ZNF407: variants seen among roughly 807,000 people sequenced by gnomAD.
The protein encoded by ZNF407 is zinc finger protein 407.
ZNF407 carries 17 observed loss-of-function variants against 131.2 expected under a neutral mutation model. The ratio of observed to expected loss-of-function variants is 0.13; its 90% CI spans 0.09 to 0.19. The LOEUF is 0.19. ZNF407 is among the 10% of genes least tolerant of loss of function. The pLI is 1.00. For missense variants in ZNF407, 2,681 were observed against 2,830.6 expected (o/e 0.95, Z 1.20); for synonymous variants, 1,156 against 1,062.0 (o/e 1.09, Z -1.72).
intron 3 of ZNF407, among the ~76,000 whole-genome samples, chr18:74,742,578 A>G (rs959739297): frequency 1.3e-5 from 2 of 152,176 alleles, no homozygotes; most frequent in African/African-American, 4.8e-5. Context: ...TTTTTTATGT[A>G]AAGTCATGAT....
At chr18:74,671,027 C>T (rs896283783) in intron 3 of ZNF407, among the ~76,000 whole-genome samples, 3 of 152,194 alleles carry the variant, frequency 2.0e-5, no homozygotes, top group Non-Finnish European at 4.4e-5. Context: ...GTGCAGTCAT[C>T]ACCACTGTCC....
Position 74,630,982 on chromosome 18 carries a change from G to T in ZNF407, c.-38G>T. The T allele has an allele frequency of 6.4e-7, 1 of 1,551,186 alleles. No homozygotes were observed. Among genetic ancestry groups the T allele is most frequent in the South Asian group, 1.2e-5 (1 of 80,176 alleles). On this transcript the variant is annotated 5_prime_UTR_variant, in exon 2 of 9. An upstream open reading frame in the 5' UTR gains an earlier in-frame stop. Coordinates refer to ENST00000299687, the MANE Select transcript of ZNF407 (RefSeq NM_017757.3). The stretch of plus-strand genomic sequence containing the variant: ...TACTTCACAGGTTATGAGTGCCAGT[G>T]AGCCGCCTTAGATAGAAGCATCGTC...
At chr18:74,797,045 A>G (rs189013330) in intron 4 of ZNF407, among the ~76,000 whole-genome samples, 54 of 152,300 alleles carry the variant, frequency 3.5e-4, no homozygotes, top group Non-Finnish European at 1.2e-4. Flanking sequence ...AGAAGAAGCA[A>G]TTGCAAACAT....
intron 3 of ZNF407, among the ~76,000 whole-genome samples, chr18:74,714,007 C>T (rs913746666): frequency 2.0e-5 from 3 of 152,106 alleles, no homozygotes; most frequent in Non-Finnish European, 4.4e-5. Context: ...TTAGTTATGC[C>T]TAAATGTATT....
intron 1 of ZNF407, among the ~76,000 whole-genome samples, chr18:74,619,393 A>G (rs1255445781): frequency 1.3e-5 from 2 of 152,172 alleles, no homozygotes; most frequent in Non-Finnish European, 2.9e-5. Context: ...TTTCACTGTA[A>G]ATTTATTATA....
intron 4 of ZNF407, among the ~76,000 whole-genome samples, chr18:74,805,392 A>T (rs1426681817): frequency 1.3e-5 from 2 of 152,226 alleles, no homozygotes; most frequent in Non-Finnish European, 2.9e-5. Context: ...TTGAACTGTC[A>T]CAATAGTCTG....
In ZNF407 at chr18:75,025,072, G is replaced by A. The variant is rs191259939; in HGVS notation, c.5429-38078G>A. ...TGCACATGTGACAGCTTCAACAGCC[G>A]TCGCGCAAAATGCATAGAGCTTGTA... On this transcript the variant is annotated intron_variant, in intron 8 of 8. Transcript: ENST00000299687. Among the ~76,000 whole-genome samples, 330 of 152,252 alleles carry A rather than the reference G, an allele frequency of 2.2e-3. 2 individuals carry two copies. Among genetic ancestry groups the A allele is most frequent in the Non-Finnish European group, 2.7e-3 (184 of 68,020 alleles).
At chr18:74,720,693 G>GTTT (rs1968010669) in intron 3 of ZNF407, among the ~76,000 whole-genome samples, 1 of 151,874 alleles carries the variant, frequency 6.6e-6, no homozygotes, top group African/African-American at 2.4e-5. Context: ...TAGAGGTGGG[G>GTTT]GTCTAGTTTC....
At chr18:75,028,292 G>A (rs1296637951) in intron 8 of ZNF407, among the ~76,000 whole-genome samples, 1 of 152,142 alleles carries the variant, frequency 6.6e-6, no homozygotes, top group Middle Eastern at 3.2e-3. Context: ...GGGCAGGACT[G>A]GCTTCTTCTG....
At chr18:74,731,904 C>T (rs1442840233) in intron 3 of ZNF407, among the ~76,000 whole-genome samples, 1 of 151,946 alleles carries the variant, frequency 6.6e-6, no homozygotes, top group Non-Finnish European at 1.5e-5. Flanking sequence ...CTGGAGATCA[C>T]CGTGGTAGTA....
chr18:74,772,967 T>C (rs542910120), intron 3 of ZNF407, among the ~76,000 whole-genome samples: 12 of 152,326 alleles, frequency 7.9e-5, no homozygotes, highest in East Asian at 3.9e-4. Flanking sequence ...GGTGGTACAA[T>C]TGATAGAATT....
chr18:74,845,879 A>C (rs1970695909), intron 4 of ZNF407, among the ~76,000 whole-genome samples: 2 of 152,206 alleles, frequency 1.3e-5, no homozygotes, highest in Admixed American at 1.3e-4. Context: ...TGGGCTACCA[A>C]CTGATTATGT....
intron 8 of ZNF407, among the ~76,000 whole-genome samples, chr18:74,990,312 C>T (rs2122135574): frequency 6.6e-6 from 1 of 152,300 alleles, no homozygotes; most frequent in East Asian, 1.9e-4. Flanking sequence ...TTTACTGTGA[C>T]TGGCTTTGGT....
chr18:74,884,561 A>G (rs1971282232), intron 6 of ZNF407, among the ~76,000 whole-genome samples: 1 of 152,174 alleles, frequency 6.6e-6, no homozygotes, highest in African/African-American at 2.4e-5. Context: ...GTCATCCTGT[A>G]TGTAATTCAA....
chr18:74,941,404 T>G (rs1167618975), intron 8 of ZNF407, among the ~76,000 whole-genome samples: 3 of 152,142 alleles, frequency 2.0e-5, no homozygotes, highest in Non-Finnish European at 4.4e-5. Flanking sequence ...GTGGGCACAT[T>G]TGCTCCACAG....
intron 7 of ZNF407, among the ~76,000 whole-genome samples, chr18:74,907,012 C>T (rs1666680397): frequency 6.6e-6 from 1 of 152,118 alleles, no homozygotes; most frequent in Non-Finnish European, 1.5e-5. Context: ...CTTATGTATA[C>T]ATATATGTGT....
intron 7 of ZNF407, among the ~76,000 whole-genome samples, chr18:74,911,458 T>C (rs537370245): frequency 1.3e-5 from 2 of 152,368 alleles, no homozygotes; most frequent in East Asian, 3.9e-4. Flanking sequence ...CATACAGATA[T>C]GTGGTGTAAG....
At chr18:74,902,371 G>A (rs1452070484) in intron 7 of ZNF407, among the ~76,000 whole-genome samples, 3 of 152,214 alleles carry the variant, frequency 2.0e-5, no homozygotes, top group Non-Finnish European at 4.4e-5. Flanking sequence ...TCCCGGAGGA[G>A]ATTGCCTTAT....
chr18:74,689,121 G>T (rs1475224499), intron 3 of ZNF407, among the ~76,000 whole-genome samples: 1 of 152,168 alleles, frequency 6.6e-6, no homozygotes, highest in Non-Finnish European at 1.5e-5. Context: ...GAGCCACTGT[G>T]CTGGCCTATA....
Sources: allele counts gnomAD v4.1 joint callset (sites outside exome capture counted in the v4.1 genomes callset), GRCh38; gene constraint gnomAD v4.1.1; transcripts MANE v1.5; gene names NCBI Gene and HGNC (gene_info 2026-07-23, HGNC 2026-07-21).